The following GLG1 variants were observed in gnomAD, a reference collection of about 807,000 sequenced individuals.
GLG1 encodes golgi glycoprotein 1, also known as Golgi apparatus protein 1.
GLG1 carries 38 observed loss-of-function variants against 160.5 expected under a neutral mutation model. That is an observed-to-expected ratio of 0.24 (90% CI 0.18 to 0.31). The LOEUF is 0.31. GLG1 is among the 10% of genes least tolerant of loss of function. The pLI is 1.00. For synonymous variants in GLG1, 644 were observed against 543.4 expected, an observed-to-expected ratio of 1.19 and a Z score of -2.57; for missense variants, 1,373 against 1,505.2, an observed-to-expected ratio of 0.91 and a Z score of 1.45.
At chr16:74,511,753 A>G (rs1329015010) in intron 2 of GLG1, among the ~76,000 whole-genome samples, 2 of 152,148 alleles carry the variant, frequency 1.3e-5, no homozygotes, top group Non-Finnish European at 2.9e-5. Flanking sequence ...ATTGAGCTAG[A>G]AATAGATTTT....
intron 25 of GLG1, among the ~76,000 whole-genome samples, chr16:74,455,772 G>A (rs774346908): frequency 6.6e-6 from 1 of 152,174 alleles, no homozygotes; most frequent in Non-Finnish European, 1.5e-5. Flanking sequence ...AAAAACCAGA[G>A]GGACTCTGGG....
intron 1 of GLG1, among the ~76,000 whole-genome samples, chr16:74,554,673 G>A (rs2143711661): frequency 6.6e-6 from 1 of 152,298 alleles, no homozygotes; most frequent in East Asian, 1.9e-4. Context: ...AAGAACTATT[G>A]TATAGAAAGG....
chr16:74,582,621 C>A lies in GLG1; in HGVS notation c.438+24036G>T, dbSNP rs547839699. The stretch of plus-strand genomic sequence containing the variant: ...GGATCACGAGGTCAGGAGATCAAGA[C>A]CATCCTGGCTAACACAGTGAAACCC... On this transcript the variant is annotated intron_variant, in intron 1 of 25. Transcript: ENST00000422840. Among the ~76,000 whole-genome samples, 175 of 151,604 alleles carry A rather than the reference C, an allele frequency of 1.2e-3. 1 individual carries two copies. The highest frequency in any genetic ancestry group is 4.0e-3 in the African/African-American group (165 of 41,366).
chr16:74,507,342 G>A (rs2016648715), intron 3 of GLG1, among the ~76,000 whole-genome samples: 2 of 152,080 alleles, frequency 1.3e-5, no homozygotes, highest in African/African-American at 4.8e-5. Context: ...AAATTTCCCT[G>A]GGCCAATCAA....
At chr16:74,598,259 C>T (rs1958352413) in intron 1 of GLG1, among the ~76,000 whole-genome samples, 1 of 152,122 alleles carries the variant, frequency 6.6e-6, no homozygotes, top group African/African-American at 2.4e-5. Flanking sequence ...CGGTGGCTCA[C>T]GCCTGTAATC....
At chr16:74,580,261 A>G (rs1957908872) in intron 1 of GLG1, among the ~76,000 whole-genome samples, 1 of 152,062 alleles carries the variant, frequency 6.6e-6, no homozygotes, top group East Asian at 1.9e-4. Flanking sequence ...AGGTGGGAGG[A>G]TTGCTTGAGC....
intron 1 of GLG1, among the ~76,000 whole-genome samples, chr16:74,599,638 G>T (rs1389724209): frequency 1.3e-5 from 2 of 152,156 alleles, no homozygotes; most frequent in East Asian, 3.9e-4. Flanking sequence ...GCCGAGGTGG[G>T]CAGATCACGA....
At chr16:74,508,955 G>C (rs758400058) in intron 2 of GLG1, 30 bp from the exon 3 acceptor site, 31 of 897,552 alleles carry the variant, frequency 3.5e-5, no homozygotes, top group Non-Finnish European at 4.2e-5. Flanking sequence ...AAAAAACAAA[G>C]AAAAACTCCA....
rs1024659333 is a variant in GLG1 at position 74,598,135 on chromosome 16, AC to A, written c.438+8521del. 6.6e-5 allele frequency among the ~76,000 whole-genome samples: 10 copies of A among 152,246 alleles called. 2 individuals carry two copies. The stretch of plus-strand genomic sequence containing the variant: ...TCCCTCAGAACAGGGCACACAGAAA[AC>A]CCTCAGTAAATGCTAACCATTATAA... On this transcript the variant is annotated intron_variant, in intron 1 of 25. Transcript: ENST00000422840.
chr16:74,455,716 C>A (rs148962813), intron 25 of GLG1, among the ~76,000 whole-genome samples: 1 of 152,202 alleles, frequency 6.6e-6, no homozygotes, highest in Non-Finnish European at 1.5e-5. Flanking sequence ...TCTTAGGCCA[C>A]TGCAGATGTC....
chr16:74,458,490 G>A (rs1249637589), intron 23 of GLG1, among the ~76,000 whole-genome samples: 1 of 151,950 alleles, frequency 6.6e-6, no homozygotes. Context: ...GGGTAACACA[G>A]CAAGACCCCC....
chr16:74,477,296 G>C (rs967179182), intron 12 of GLG1, 100 bp downstream of exon 12: 1 of 939,988 alleles, frequency 1.1e-6, no homozygotes, highest in Admixed American at 1.8e-5. Flanking sequence ...ACATCTGTAA[G>C]GTAAAGAGAG....
chr16:74,591,783 T>C (rs1958190513), intron 1 of GLG1, among the ~76,000 whole-genome samples: 1 of 152,178 alleles, frequency 6.6e-6, no homozygotes, highest in South Asian at 2.1e-4. Context: ...TACATATTAT[T>C]TTCCCTCTGA....
intron 1 of GLG1, among the ~76,000 whole-genome samples, chr16:74,567,885 T>C (rs567738811): frequency 3.3e-5 from 5 of 152,312 alleles, no homozygotes; most frequent in Admixed American, 3.3e-4. Context: ...GCACTTTCAT[T>C]GTCTGCTTCT....
Position 74,465,694 on chromosome 16 carries a change from G to A in GLG1, c.2649C>T (p.Val883=). 6.2e-7 allele frequency: 1 copy of A among 1,613,544 alleles called. No individual in the cohort carries two copies. Among genetic ancestry groups the A allele is most frequent in the Non-Finnish European group, 8.5e-7 (1 of 1,179,632 alleles). Residue 883 remains valine (V), a synonymous_variant, in exon 19 of 26, where the codon GTC becomes GTT. Coordinates refer to ENST00000422840, the MANE Select transcript of GLG1 (RefSeq NM_001145667.2). ...TTCTCACCTTTATCATCTGCTTGCA[G>A]ACCCTCATGAGGGTGTAGTCTAGCT... ...DPELDYTLMR[V]CKQMIKRFCP... is the part of the protein sequence containing the mutation.
At chr16:74,562,127 C>T (rs571449186) in intron 1 of GLG1, among the ~76,000 whole-genome samples, 1 of 152,204 alleles carries the variant, frequency 6.6e-6, no homozygotes, top group African/African-American at 2.4e-5. Context: ...GTTTCCCTCA[C>T]GGGGCATTCC....
intron 1 of GLG1, among the ~76,000 whole-genome samples, chr16:74,556,685 A>T (rs9674354): frequency 6.7e-5 from 10 of 149,108 alleles, no homozygotes; most frequent in Admixed American, 5.3e-4. Flanking sequence ...TAATATTATT[A>T]TTTTTTTATT....
chr16:74,594,213 AT>A, intron 1 of GLG1, among the ~76,000 whole-genome samples: 1 of 152,258 alleles, frequency 6.6e-6, no homozygotes, highest in African/African-American at 2.4e-5. Flanking sequence ...AGCCTATCAC[AT>A]TTATTTTTTA....
Position 74,448,968 on chromosome 16 carries a change from G to C in GLG1, c.*4199C>G, listed in dbSNP as rs1236410795. ...ATACAAAAATTAGCTGGGTGTGGTGGTGCATGCCTGTAATCCCAGCTACTC... is the reference window on the plus strand; with the variant it reads ...ATACAAAAATTAGCTGGGTGTGGTGCTGCATGCCTGTAATCCCAGCTACTC... On this transcript the variant is annotated 3_prime_UTR_variant, in exon 26 of 26. Coordinates refer to ENST00000422840, the MANE Select transcript of GLG1 (RefSeq NM_001145667.2). 6.6e-6 allele frequency: 1 copy of C among 152,590 alleles called. No individual in the cohort carries two copies. Among genetic ancestry groups the C allele is most frequent in the East Asian group, 1.9e-4 (1 of 5,206 alleles). 9.5% of individuals were successfully genotyped at this position (152,590 alleles called of 1,614,324 possible).
Sources: allele counts gnomAD v4.1 joint callset (sites outside exome capture counted in the v4.1 genomes callset), GRCh38; gene constraint gnomAD v4.1.1; transcripts MANE v1.5; gene names NCBI Gene and HGNC (gene_info 2026-07-23, HGNC 2026-07-21).